Variants in INSR observed in about 807,000 individuals in gnomAD.
INSR encodes the protein insulin receptor, also known as IR.
INSR carries 67 observed loss-of-function variants against 142.6 expected under a neutral mutation model. That is an observed-to-expected ratio of 0.47 (90% CI 0.39 to 0.58). INSR has a LOEUF of 0.58. Ranked by LOEUF, INSR falls within the 20% of genes least tolerant of loss-of-function variation. The pLI, the probability that INSR is intolerant of heterozygous loss-of-function variation, is 0.00. For synonymous variants in INSR, 756 were observed against 743.1 expected, an observed-to-expected ratio of 1.02 and a Z score of -0.28; for missense variants, 1,248 against 1,833.2, an observed-to-expected ratio of 0.68 and a Z score of 5.83.
chr19:7,288,553 T>C (rs1968404281), intron 1 of INSR, among the ~76,000 whole-genome samples: 1 of 151,034 alleles, frequency 6.6e-6, no homozygotes, highest in Non-Finnish European at 1.5e-5. Flanking sequence ...GTGGGAGGAC[T>C]GCTCCAGGCC....
chr19:7,289,372 G>A (rs1968428838), intron 1 of INSR, among the ~76,000 whole-genome samples: 3 of 151,026 alleles, frequency 2.0e-5, no homozygotes, highest in South Asian at 4.2e-4. Context: ...GGCTGAAAAA[G>A]CACGTGGGTA....
rs910165051 is a variant in INSR at position 7,116,458 on chromosome 19, T to C, written c.*598A>G. On this transcript the variant is annotated 3_prime_UTR_variant, in exon 22 of 22. Transcript: ENST00000302850. ...AGCACACGCCGGGACCACAGACCCT[T>C]ATCCAAAATATGAAAGCAGCAGCTA... 2 of 152,228 alleles carry C rather than the reference T, an allele frequency of 1.3e-5. No homozygotes were observed. The highest frequency in any genetic ancestry group is 4.9e-5 in the African/African-American group (2 of 41,182). The allele number at this position is 152,228 out of a possible 1,614,324, so 9.4% of individuals were successfully genotyped here.
At chr19:7,231,528 T>G (rs1316977158) in intron 2 of INSR, among the ~76,000 whole-genome samples, 1 of 152,072 alleles carries the variant, frequency 6.6e-6, no homozygotes, top group African/African-American at 2.4e-5. Context: ...CTCGAACTGC[T>G]GACCACCAGT....
intron 1 of INSR, among the ~76,000 whole-genome samples, chr19:7,270,247 T>C (rs12977534): frequency 0.87 from 132,407 of 151,710 alleles, 57,981 homozygotes; most frequent in Middle Eastern, 0.91. Context: ...CATGCCTGGC[T>C]GGCATCCTAA....
In INSR at chr19:7,267,263, A is replaced by T; in HGVS notation, c.652+82T>A. ...CCCGGCCCCTACCTAATGACCATTT[A>T]ACATTTTTAAGCCATAAAACATTTT... On this transcript the variant is annotated intron_variant, in intron 2 of 21. Coordinates refer to ENST00000302850, the MANE Select transcript of INSR (RefSeq NM_000208.4). This position sits in a 1 kb window ranked among gnomAD's most constrained non-coding sequence, Gnocchi z 6.3. 1 of 1,458,818 alleles carries T rather than the reference A, an allele frequency of 6.9e-7. No individual in the cohort carries two copies. The highest frequency in any genetic ancestry group is 9.5e-7 in the Non-Finnish European group (1 of 1,048,882). 90.4% of individuals were successfully genotyped at this position (1,458,818 alleles called of 1,614,324 possible).
At chr19:7,254,053 A>T (rs1976817132) in intron 2 of INSR, among the ~76,000 whole-genome samples, 1 of 151,150 alleles carries the variant, frequency 6.6e-6, no homozygotes, top group Non-Finnish European at 1.5e-5. Flanking sequence ...AAAAGAAAAG[A>T]AAAGAAAAAA....
chr19:7,243,245 T>G (rs796289802), intron 2 of INSR, among the ~76,000 whole-genome samples: 3,133 of 131,178 alleles, frequency 0.024, 108 homozygotes, highest in Non-Finnish European at 0.031. Flanking sequence ...TTTTTTTTTT[T>G]TTTTTTTTTT....
At position 7,163,122 on chromosome 19, in the gene INSR, C is replaced by G; in HGVS notation, c.1939G>C (p.Asp647His). The G allele has an allele frequency of 6.2e-7, 1 of 1,613,964 alleles. No homozygotes were observed. The highest frequency in any genetic ancestry group is 8.5e-7 in the Non-Finnish European group (1 of 1,179,986). Residue 647 changes from aspartate to histidine, a missense_variant, in exon 9 of 22, where the codon GAC becomes CAC. This residue lies in a region of INSR where 1,069 missense variants were observed against 1,654.0 expected (regional missense o/e 0.65). Transcript: ENST00000302850. ...TAGTGGGTGATGTTGCCATTGGGGT[C>G]GGAGGGTGGTTTCCACTTCAGAATA... Reference protein sequence around the residue: ...QIILKWKPPSDPNGNITHYLV... With the variant: ...QIILKWKPPSHPNGNITHYLV...
At chr19:7,275,259 G>A (rs1020036469) in intron 1 of INSR, among the ~76,000 whole-genome samples, 1 of 151,862 alleles carries the variant, frequency 6.6e-6, no homozygotes, top group African/African-American at 2.4e-5. Flanking sequence ...ACAGGCGTGA[G>A]CCACTGCGCC....
chr19:7,248,486 A>C (rs1287808575), intron 2 of INSR, among the ~76,000 whole-genome samples: 2 of 31,112 alleles, frequency 6.4e-5, no homozygotes, highest in Admixed American at 6.4e-4. Context: ...ACCCCATCTC[A>C]AAAAAAAAAA....
rs768508632 is a variant in INSR at position 7,170,605 on chromosome 19, A to G, written c.1415T>C (p.Val472Ala). 1 of 1,613,536 alleles carries G rather than the reference A, an allele frequency of 6.2e-7. No homozygotes were observed. Among genetic ancestry groups the G allele is most frequent in the Non-Finnish European group, 8.5e-7 (1 of 1,179,906 alleles). The change falls in exon 6 of 22, where the codon GTT (valine) becomes GCT (alanine). Residue 472 changes from valine to alanine, a missense_variant. Around this residue, in one of 3 missense-constraint regions of INSR, gnomAD observed 1,069 missense variants for 1,654.0 expected, o/e 0.65. Coordinates refer to ENST00000302850, the MANE Select transcript of INSR (RefSeq NM_000208.4). ...CTCCTGGCGCCCCTTGGTTCCTGAAACTTCTTCCATCTTGTGGATTTCTGA... is the reference window on the plus strand; with the variant it reads ...CTCCTGGCGCCCCTTGGTTCCTGAAGCTTCTTCCATCTTGTGGATTTCTGA... ...CLSEIHKMEE[V>A]SGTKGRQERN... is the part of the protein sequence containing the mutation.
rs80160830 is a variant in INSR, at chr19:7,241,177, G to GTT, written c.652+26166_652+26167dup. Among the ~76,000 whole-genome samples the GTT allele has an allele frequency of 5.8e-5, 8 of 137,764 alleles. No individual in the cohort carries two copies. In the East Asian group the frequency reaches 8.8e-4, roughly 15 times the overall value. 90.4% of individuals were successfully genotyped at this position (137,764 alleles called of 152,430 possible). On this transcript the variant is annotated intron_variant, in intron 2 of 21. Transcript: ENST00000302850. ...ACTTATTCACTTTTTATTTTATTTTGTTTTTTTTTTTTTTTTTAAGAGATG... is the reference window on the plus strand; with the variant it reads ...ACTTATTCACTTTTTATTTTATTTTGTTTTTTTTTTTTTTTTTTTAAGAGATG...
chr19:7,250,381 GGAAGGGAGA>G (rs1425004366), intron 2 of INSR, among the ~76,000 whole-genome samples: 1 of 101,294 alleles, frequency 9.9e-6, no homozygotes, highest in African/African-American at 4.6e-5. Flanking sequence ...GAGGGAGAGA[GGAAGGGAGA>G]GAAGGAAGGG....
chr19:7,176,291 A>T (rs1403487167), intron 3 of INSR, among the ~76,000 whole-genome samples: 1 of 152,040 alleles, frequency 6.6e-6, no homozygotes, highest in Admixed American at 6.6e-5. Context: ...TTCTCACGAG[A>T]TCTGGTTGTT....
chr19:7,230,520 AC>A (rs1975937563), intron 2 of INSR, among the ~76,000 whole-genome samples: 1 of 151,960 alleles, frequency 6.6e-6, no homozygotes, highest in South Asian at 2.1e-4. Context: ...CAGAAATATT[AC>A]CTTGGCTGGG....
intron 2 of INSR, among the ~76,000 whole-genome samples, chr19:7,233,706 C>T (rs1401569186): frequency 4.6e-5 from 6 of 129,484 alleles, no homozygotes; most frequent in African/African-American, 8.5e-5. Context: ...GACGCAGTCT[C>T]GCTGTGTTGC....
intron 21 of INSR, among the ~76,000 whole-genome samples, chr19:7,118,064 G>A (rs1972380880): frequency 6.6e-6 from 1 of 151,822 alleles, no homozygotes; most frequent in Admixed American, 6.6e-5. Context: ...GAGCCATCCT[G>A]TCCAGCCTGA....
chr19:7,158,303 A>G (rs62124504), intron 9 of INSR, among the ~76,000 whole-genome samples: 1 of 151,926 alleles, frequency 6.6e-6, no homozygotes, highest in Non-Finnish European at 1.5e-5. Flanking sequence ...GATCGAGACC[A>G]TCCTGGCTAA....
intron 11 of INSR, among the ~76,000 whole-genome samples, chr19:7,149,041 C>T (rs553844151): frequency 2.0e-5 from 3 of 152,136 alleles, no homozygotes; most frequent in Admixed American, 6.5e-5. Context: ...GTGATTGCCC[C>T]GCCTGGGGTA....
Sources: allele counts gnomAD v4.1 joint callset (sites outside exome capture counted in the v4.1 genomes callset), GRCh38; gene constraint gnomAD v4.1.1; regional missense constraint gnomAD v4.1.1; non-coding constraint Gnocchi (gnomAD v3.1); transcripts MANE v1.5; gene names NCBI Gene and HGNC (gene_info 2026-07-23, HGNC 2026-07-21).